Variants in PPP2R3B observed in about 807,000 individuals in gnomAD.
PPP2R3B encodes the protein serine/threonine-protein phosphatase 2A regulatory subunit B'' subunit beta.
PPP2R3B carries 68 observed loss-of-function variants against 72.9 expected under a neutral mutation model. The observed-to-expected ratio is 0.93, with a 90% CI of 0.77 to 1.14. The LOEUF is 1.14. Ranked by LOEUF, PPP2R3B falls within the 50% of genes most tolerant of loss-of-function variation. The pLI, the probability that PPP2R3B is intolerant of heterozygous loss-of-function variation, is 0.00. For missense variants in PPP2R3B, 1,018 were observed against 842.0 expected (o/e 1.21, Z -2.59); for synonymous variants, 466 against 375.8 (o/e 1.24, Z -2.78).
intron 2 of PPP2R3B, among the ~76,000 whole-genome samples, chrX:355,976 C>T (rs1603078349): frequency 6.6e-6 from 1 of 152,180 alleles, no homozygotes; most frequent in Non-Finnish European, 1.5e-5. Flanking sequence ...CACCATGCAT[C>T]CCACATCAGT....
At position 334,233 on chromosome X, in the gene PPP2R3B, G is replaced by T; in HGVS notation, c.*134C>A. ...ACGAACCCACAGCGGCAATCAACACGCTTCTGTGAATAAATAAAAGTTTAT... is the reference window on the plus strand; with the variant it reads ...ACGAACCCACAGCGGCAATCAACACTCTTCTGTGAATAAATAAAAGTTTAT... On this transcript the variant is annotated 3_prime_UTR_variant, in exon 13 of 13. Coordinates refer to ENST00000390665, the MANE Select transcript of PPP2R3B (RefSeq NM_013239.5). 1 of 1,111,038 alleles carries T rather than the reference G, an allele frequency of 9.0e-7. No homozygotes were observed. The highest frequency in any genetic ancestry group is 1.2e-6 in the Non-Finnish European group (1 of 842,456). 68.8% of individuals were successfully genotyped at this position (1,111,038 alleles called of 1,614,324 possible).
Position 341,435 on chromosome X carries a change from T to G in PPP2R3B, c.1086-39A>C, listed in dbSNP as rs1209952771. 1.9e-6 allele frequency: 3 copies of G among 1,602,256 alleles called. No homozygotes were observed. The African/African-American group carries it at 4.0e-5, about 21-fold the overall frequency. On this transcript the variant is annotated intron_variant, in intron 8 of 12. Transcript: ENST00000390665. ...CAGGATGGAGAGACGAAGATGCATGTCAGGGAGAGCTTCACAGGAACGGAG... is the reference window on the plus strand; with the variant it reads ...CAGGATGGAGAGACGAAGATGCATGGCAGGGAGAGCTTCACAGGAACGGAG...
Position 340,921 on chromosome X carries a change from A to AGCGGAACCAGTACTCGATGCT in PPP2R3B, c.1176-2_1194dup (p.Ser392_Arg398dup), listed in dbSNP as rs1569379144. On this transcript the variant is annotated inframe_insertion, in exon 10 of 13. Transcript: ENST00000390665. ...GCGCCGTCCCCGTCCAGGTCCATGCAGCGGAACCAGTACTCGATGCTGCGG... is the reference window on the plus strand; with the variant it reads ...GCGCCGTCCCCGTCCAGGTCCATGCAGCGGAACCAGTACTCGATGCTGCGGAACCAGTACTCGATGCTGCGG... The AGCGGAACCAGTACTCGATGCT allele has an allele frequency of 6.2e-7, 1 of 1,611,602 alleles. No homozygotes were observed. The highest frequency in any genetic ancestry group is 8.5e-7 in the Non-Finnish European group (1 of 1,179,538).
At chrX:347,135 G>C (rs1452861921) in intron 4 of PPP2R3B, 99 bp downstream of exon 4, 2 of 1,199,184 alleles carry the variant, frequency 1.7e-6, no homozygotes, top group Non-Finnish European at 2.5e-6. Flanking sequence ...TGAGGGATGA[G>C]GCGTGTGGTG....
intron 10 of PPP2R3B, 34 bp downstream of exon 10, chrX:340,731 C>CCTCACCCTGGGCCGTCCT (rs756129103): frequency 3.7e-6 from 6 of 1,607,890 alleles, no homozygotes; most frequent in African/African-American, 1.3e-5. Context: ...CCGTCCGTCC[C>CCTCACCCTGGGCCGTCCT]CTCACCCTGG....
Position 344,993 on chromosome X carries a change from GT to G in PPP2R3B, c.1036+522del, listed in dbSNP as rs200436276. 6.3e-3 allele frequency: 2,258 copies of G among 358,156 alleles called. 43 individuals are homozygous for G. Among genetic ancestry groups the G allele is most frequent in the African/African-American group, 0.045 (2,108 of 46,928 alleles). The allele number at this position is 358,156 out of a possible 1,614,324, so 22.2% of individuals were successfully genotyped here. Reference sequence around the variant, plus strand: ...CCCCACAGGCCACAGGCCGCTTTGAGTTCCTGCAAGTGTGGATGACTCTTAG... The same window carrying G: ...CCCCACAGGCCACAGGCCGCTTTGAGTCCTGCAAGTGTGGATGACTCTTAG... On this transcript the variant is annotated intron_variant, in intron 7 of 12. Transcript: ENST00000390665.
At chrX:365,029 CAGAGTGAG>C (rs2071674724) in intron 1 of PPP2R3B, among the ~76,000 whole-genome samples, 8 of 26,122 alleles carry the variant, frequency 3.1e-4, no homozygotes, top group Non-Finnish European at 5.9e-4. Flanking sequence ...GCCTGGGCGA[CAGAGTGAG>C]ACTCTGTCTC....
intron 1 of PPP2R3B, chrX:374,136 G>A (rs952074884): frequency 3.3e-5 from 5 of 151,864 alleles, no homozygotes; most frequent in African/African-American, 1.2e-4. Flanking sequence ...GAGAGCCTGG[G>A]CGGAACGCGC....
At chrX:375,125 C>T (rs1341051868) in intron 1 of PPP2R3B, among the ~76,000 whole-genome samples, 3 of 152,294 alleles carry the variant, frequency 2.0e-5, no homozygotes, top group East Asian at 1.9e-4. Context: ...TTCTCTTCCA[C>T]CTCCTTCCCT....
At chrX:360,745 G>C (rs967293047) in intron 2 of PPP2R3B, among the ~76,000 whole-genome samples, 4 of 152,174 alleles carry the variant, frequency 2.6e-5, no homozygotes, top group African/African-American at 9.7e-5. Flanking sequence ...TGCGGGCACA[G>C]GTCCCTGGAA....
intron 2 of PPP2R3B, among the ~76,000 whole-genome samples, chrX:356,949 T>A (rs1603081421): frequency 6.7e-6 from 1 of 149,136 alleles, no homozygotes; most frequent in Admixed American, 6.7e-5. Context: ...AGCCCCACAG[T>A]ATCCACACCA....
At position 334,441 on chromosome X, in the gene PPP2R3B, C is replaced by A. The variant is rs776272253; in HGVS notation, c.1654G>T (p.Glu552Ter). The A allele has an allele frequency of 6.3e-7, 1 of 1,595,832 alleles. No homozygotes were observed. The change falls in exon 13 of 13, where the codon GAG (glutamate) becomes TAG (stop). Residue 552 changes from glutamate to a stop codon, truncating the protein, a stop_gained. Coordinates refer to ENST00000390665, the MANE Select transcript of PPP2R3B (RefSeq NM_013239.5). LOFTEE classifies it high-confidence loss of function. ...ACGGCGCCCAGCGGTGAGGGCGCCT[C>A]GAAGAAGGGCCTCTGGGCCAGCGGG... ...RSPLAQRPFF[E>*]APSPLGAVDL...
At chrX:336,251 T>C (rs1471016677) in intron 12 of PPP2R3B, 1 of 152,172 alleles carries the variant, frequency 6.6e-6, no homozygotes, top group African/African-American at 2.4e-5. Context: ...CGGCAAGATC[T>C]ATCCTGGGAA....
In PPP2R3B at chrX:334,372, G is replaced by T; in HGVS notation, c.1723C>A (p.Leu575Met). ...CGGCGTTCTCGCGGGCGGCGTCACAGCGGCTCCAGGTCCTCGTCCCCGCAT... is the reference window on the plus strand; with the variant it reads ...CGGCGTTCTCGCGGGCGGCGTCACATCGGCTCCAGGTCCTCGTCCCCGCAT... ...YACGDEDLEP[L>M] Residue 575 changes from leucine to methionine, a missense_variant, in exon 13 of 13, where the codon CTG (leucine) becomes ATG (methionine). By Grantham distance (15) the Leu-to-Met change is conservative (BLOSUM62 2). Coordinates refer to ENST00000390665, the MANE Select transcript of PPP2R3B (RefSeq NM_013239.5). 1 of 1,506,642 alleles carries T rather than the reference G, an allele frequency of 6.6e-7. No individual in the cohort carries two copies. The allele number at this position is 1,506,642 out of a possible 1,614,324, so 93.3% of individuals were successfully genotyped here. A position where few individuals can be genotyped will look rare whatever the true frequency, so the allele number is the denominator to read the frequency against.
intron 7 of PPP2R3B, chrX:345,105 G>C (rs28485552): frequency 0.024 from 11,351 of 475,046 alleles, 1,091 homozygotes; most frequent in African/African-American, 0.2. Flanking sequence ...TAAGCCTGGG[G>C]CTCCACCTAG....
At chrX:336,869 G>C in intron 12 of PPP2R3B, 1 of 136,044 alleles carries the variant, frequency 7.4e-6, no homozygotes, top group East Asian at 2.3e-4. Context: ...CGGCGCCCAT[G>C]GACTGGGCCT....
chrX:342,416 CA>C (rs1239249082), intron 7 of PPP2R3B, among the ~76,000 whole-genome samples: 1 of 130,906 alleles, frequency 7.6e-6, no homozygotes, highest in African/African-American at 3.0e-5. Flanking sequence ...AGTGAGACCT[CA>C]GCAACGGGAG....
At position 334,370 on chromosome X, in the gene PPP2R3B, C is replaced by G. The variant is rs200714979; in HGVS notation, c.1725G>C (p.Leu575=). Residue 575 remains leucine, a synonymous_variant, in exon 13 of 13, where the codon CTG becomes CTC. Transcript: ENST00000390665. The stretch of plus-strand genomic sequence containing the variant: ...GGCGGCGTTCTCGCGGGCGGCGTCA[C>G]AGCGGCTCCAGGTCCTCGTCCCCGC... ...YACGDEDLEP[L] is the part of the protein sequence containing the mutation. The G allele has an allele frequency of 1.3e-6, 2 of 1,505,648 alleles. No homozygotes were observed. The highest frequency in any genetic ancestry group is 4.7e-5 in the Admixed American group (2 of 42,828). The allele number at this position is 1,505,648 out of a possible 1,614,324, so 93.3% of individuals were successfully genotyped here.
At chrX:336,619 T>C (rs1395973697) in intron 12 of PPP2R3B, 1 of 152,210 alleles carries the variant, frequency 6.6e-6, no homozygotes. Flanking sequence ...CTGACAGACA[T>C]GGGCTGTCCA....
Sources: allele counts gnomAD v4.1 joint callset (sites outside exome capture counted in the v4.1 genomes callset), GRCh38; gene constraint gnomAD v4.1.1; transcripts MANE v1.5; gene names NCBI Gene and HGNC (gene_info 2026-07-23, HGNC 2026-07-21).